RANBP2: variants seen among roughly 807,000 people sequenced by gnomAD.
RANBP2 encodes the protein E3 SUMO-protein ligase RanBP2.
A neutral mutation model predicts 303.6 loss-of-function variants in RANBP2; 57 were observed. The observed-to-expected ratio is 0.19, with a 90% CI of 0.15 to 0.23. RANBP2 has a LOEUF of 0.23. Ranked by LOEUF, RANBP2 falls within the 10% of genes least tolerant of loss-of-function variation. The pLI, the probability that RANBP2 is intolerant of heterozygous loss-of-function variation, is 1.00. For missense variants in RANBP2, 3,138 were observed against 3,780.8 expected (o/e 0.83, Z 4.46); for synonymous variants, 1,167 against 1,301.5 (o/e 0.90, Z 2.23).
At chr2:109,680,599 T>C in the RANBP2 span, among the ~76,000 whole-genome samples, 9 of 152,168 alleles carry the variant, frequency 5.9e-5, no homozygotes, top group African/African-American at 2.2e-4. Context: ...TGGGAATAGT[T>C]AACAACCACT....
At chr2:109,175,050 C>T in the RANBP2 span, among the ~76,000 whole-genome samples, 2 of 152,068 alleles carry the variant, frequency 1.3e-5, no homozygotes, top group African/African-American at 4.8e-5. Context: ...TTGAGTCGCA[C>T]AGCAAAATCC....
At chr2:108,775,678 G>A in intron 23 of RANBP2, 54 bp from the exon 24 acceptor site, 2 of 1,567,052 alleles carry the variant, frequency 1.3e-6, no homozygotes, top group East Asian at 2.2e-5. Flanking sequence ...TATATAATCT[G>A]TTTTGTAAAT....
At chr2:109,248,719 C>T in the RANBP2 span, among the ~76,000 whole-genome samples, 2 of 152,052 alleles carry the variant, frequency 1.3e-5, no homozygotes, top group Non-Finnish European at 2.9e-5. Flanking sequence ...TTCCTTGCCT[C>T]CTTCTTTTCT....
chr2:109,735,546 TC>T, the RANBP2 span, among the ~76,000 whole-genome samples: 1 of 152,162 alleles, frequency 6.6e-6, no homozygotes, highest in Non-Finnish European at 1.5e-5. Context: ...GAAAATGTGA[TC>T]AAAACTTGAT....
chr2:109,740,487 T>C, the RANBP2 span, among the ~76,000 whole-genome samples: 1 of 152,170 alleles, frequency 6.6e-6, no homozygotes, highest in Non-Finnish European at 1.5e-5. Flanking sequence ...CTAATTGACA[T>C]CTAGAGACTA....
chr2:109,207,351 CTT>C, the RANBP2 span, among the ~76,000 whole-genome samples: 5 of 152,202 alleles, frequency 3.3e-5, no homozygotes, highest in African/African-American at 9.6e-5. Context: ...TCTGTGTTCT[CTT>C]TGTCTCTGGG....
the RANBP2 span, among the ~76,000 whole-genome samples, chr2:109,389,323 T>G: frequency 6.6e-6 from 1 of 152,178 alleles, no homozygotes; most frequent in African/African-American, 2.4e-5. Flanking sequence ...GCCTTTTATT[T>G]CTACTGGAGG....
At chr2:109,613,232 G>A in the RANBP2 span, 8 of 1,267,600 alleles carry the variant, frequency 6.3e-6, no homozygotes, top group Admixed American at 9.2e-5. Flanking sequence ...AAAGTAACTG[G>A]AAAGGTTCAA....
chr2:109,364,727 T>C, the RANBP2 span, among the ~76,000 whole-genome samples: 1 of 152,078 alleles, frequency 6.6e-6, no homozygotes, highest in Non-Finnish European at 1.5e-5. Flanking sequence ...CCTCTGTAGG[T>C]GAAACAGGAT....
chr2:109,600,996 AG>A, the RANBP2 span, among the ~76,000 whole-genome samples: 1 of 150,662 alleles, frequency 6.6e-6, no homozygotes. Flanking sequence ...CCCATGGAGG[AG>A]GGTATGCCAC....
the RANBP2 span, chr2:109,545,404 C>A: frequency 1.4e-5 from 21 of 1,535,302 alleles, no homozygotes; most frequent in Non-Finnish European, 1.7e-5. Flanking sequence ...ACACGCCTTG[C>A]GATTATCATC....
chr2:109,623,011 C>T, the RANBP2 span, among the ~76,000 whole-genome samples: 1 of 152,118 alleles, frequency 6.6e-6, no homozygotes, highest in East Asian at 1.9e-4. Context: ...CCTGTAATCC[C>T]AGCTACTCGG....
At chr2:108,742,594 G>A (rs1319012273) in intron 7 of RANBP2, among the ~76,000 whole-genome samples, 1 of 152,012 alleles carries the variant, frequency 6.6e-6, no homozygotes, top group East Asian at 1.9e-4. Flanking sequence ...ATAAGCCACC[G>A]AGCCCGGCCT....
the RANBP2 span, among the ~76,000 whole-genome samples, chr2:109,444,291 G>A: frequency 6.6e-6 from 1 of 152,200 alleles, no homozygotes. Flanking sequence ...ATGTGATGTT[G>A]TTGTAAAGAT....
At chr2:108,873,337 A>G in the RANBP2 span, 1 of 994,630 alleles carries the variant, frequency 1.0e-6, no homozygotes, top group Non-Finnish European at 1.4e-6. Context: ...TATGAAAAGA[A>G]TGAAAATCTA....
At chr2:109,100,184 T>C in the RANBP2 span, among the ~76,000 whole-genome samples, 3 of 152,222 alleles carry the variant, frequency 2.0e-5, no homozygotes, top group East Asian at 1.9e-4. Context: ...CCCCAGCTCC[T>C]GAGGCATGGG....
At chr2:109,619,060 CA>C in the RANBP2 span, 1 of 166,570 alleles carries the variant, frequency 6.0e-6, no homozygotes, top group Non-Finnish European at 1.5e-5. Flanking sequence ...TTACAGTTCA[CA>C]AAATGCTTTT....
chr2:109,724,871 C>T, the RANBP2 span, among the ~76,000 whole-genome samples: 1 of 152,136 alleles, frequency 6.6e-6, no homozygotes, highest in Admixed American at 6.5e-5. Flanking sequence ...GTATGCCAGG[C>T]CAGGGGCAGT....
chr2:109,138,785 C>A, the RANBP2 span, among the ~76,000 whole-genome samples: 1 of 152,202 alleles, frequency 6.6e-6, no homozygotes, highest in Admixed American at 6.5e-5. Context: ...AAGACTGGCC[C>A]AGAACGAGTG....
Sources: gnomAD v4.1 joint callset for allele counts (sites outside exome capture counted in the v4.1 genomes callset) on GRCh38, gnomAD v4.1.1 for gene constraint, MANE v1.5 for transcripts, NCBI Gene and HGNC (gene_info 2026-07-23, HGNC 2026-07-21) for gene names.